SOX5: variants seen among roughly 807,000 people sequenced by gnomAD.
The protein encoded by SOX5 is SRY-box transcription factor 5.
In SOX5, 9 loss-of-function variants were observed where a neutral mutation model predicts 92.0. The ratio of observed to expected loss-of-function variants is 0.10; its 90% confidence interval spans 0.06 to 0.17. The LOEUF (loss-of-function observed/expected upper bound fraction) is 0.17, where lower values mean the gene tolerates loss of function less well. SOX5 is among the 10% of genes least tolerant of loss of function. The pLI, the probability that SOX5 is intolerant of heterozygous loss-of-function variation, is 1.00. For synonymous variants in SOX5, 344 were observed against 336.3 expected (o/e 1.02, Z -0.25); for missense variants, 642 against 944.5 (o/e 0.68, Z 4.20).
chr12:23,537,593 C>G (rs926643275), intron 13 of SOX5, among the ~76,000 whole-genome samples: 2 of 152,192 alleles, frequency 1.3e-5, no homozygotes, highest in African/African-American at 4.8e-5. Context: ...ATACAGTCTG[C>G]TTTAGTAATA....
At chr12:23,578,117 C>CAAAAAAAAAAAAAAAAAAAAAGA (rs1949476740) in intron 9 of SOX5, among the ~76,000 whole-genome samples, 1 of 34,884 alleles carries the variant, frequency 2.9e-5, no homozygotes, top group Non-Finnish European at 4.9e-5. Flanking sequence ...GAGACTGTGT[C>CAAAAAAAAAAAAAAAAAAAAAGA]AAAAAAAAAA....
chr12:23,808,382 T>G (rs745548433), intron 3 of SOX5, among the ~76,000 whole-genome samples: 1 of 152,154 alleles, frequency 6.6e-6, no homozygotes, highest in African/African-American at 2.4e-5. Context: ...TAAGCTGATG[T>G]TTATAGAAAC....
intron 4 of SOX5, among the ~76,000 whole-genome samples, chr12:24,124,728 T>C (rs550757025): frequency 4.6e-5 from 7 of 152,296 alleles, no homozygotes; most frequent in South Asian, 4.1e-4. Context: ...AATGGACTAA[T>C]TGGAATAAAA....
intron 4 of SOX5, among the ~76,000 whole-genome samples, chr12:24,124,412 A>G (rs940133254): frequency 6.6e-6 from 1 of 152,186 alleles, no homozygotes; most frequent in African/African-American, 2.4e-5. Context: ...AGTTCACACA[A>G]GAGGGTGAAA....
chr12:24,095,888 G>C (rs2137875604), intron 4 of SOX5, among the ~76,000 whole-genome samples: 1 of 152,236 alleles, frequency 6.6e-6, no homozygotes, highest in South Asian at 2.1e-4. Flanking sequence ...ATGATTGTAA[G>C]TTTCCTGAGG....
chr12:24,341,207 T>C (rs1453316148), intron 2 of SOX5, among the ~76,000 whole-genome samples: 1 of 152,224 alleles, frequency 6.6e-6, no homozygotes, highest in Non-Finnish European at 1.5e-5. Flanking sequence ...CCAGGCATGG[T>C]GGCTTATACC....
intron 1 of SOX5, among the ~76,000 whole-genome samples, 170 bp from the exon 2 acceptor site, chr12:23,896,194 C>G (rs754660349): frequency 3.2e-4 from 49 of 152,294 alleles, no homozygotes; most frequent in Non-Finnish European, 5.4e-4. Flanking sequence ...AATGGCCAAG[C>G]AGGTAGCAAC....
At chr12:24,390,218 G>A (rs1018572281) in intron 1 of SOX5, among the ~76,000 whole-genome samples, 8 of 151,980 alleles carry the variant, frequency 5.3e-5, no homozygotes, top group Non-Finnish European at 8.8e-5. Flanking sequence ...TTTTACACAC[G>A]TAACATTATG....
intron 4 of SOX5, among the ~76,000 whole-genome samples, chr12:23,979,898 T>C (rs1483085901): frequency 5.7e-5 from 8 of 139,492 alleles, no homozygotes; most frequent in African/African-American, 1.6e-4. Context: ...GCTGGCTGGC[T>C]GGCTGGCTGG....
At chr12:24,207,165 G>A (rs534660357) in intron 4 of SOX5, among the ~76,000 whole-genome samples, 25 of 152,292 alleles carry the variant, frequency 1.6e-4, no homozygotes, top group East Asian at 1.5e-3. Context: ...TACTGTAAGC[G>A]TCTAAATGAA....
At chr12:24,474,119 C>T (rs1382177627) in intron 1 of SOX5, among the ~76,000 whole-genome samples, 3 of 152,104 alleles carry the variant, frequency 2.0e-5, no homozygotes, top group Non-Finnish European at 4.4e-5. Flanking sequence ...ACCTGGAAGG[C>T]ATCAACTAGA....
intron 13 of SOX5, among the ~76,000 whole-genome samples, chr12:23,537,591 T>C (rs1410937688): frequency 1.3e-5 from 2 of 152,236 alleles, no homozygotes; most frequent in African/African-American, 4.8e-5. Context: ...TGATACAGTC[T>C]GCTTTAGTAA....
chr12:24,173,963 G>A (rs1290927614), intron 4 of SOX5, among the ~76,000 whole-genome samples: 1 of 151,970 alleles, frequency 6.6e-6, no homozygotes, highest in East Asian at 1.9e-4. Flanking sequence ...CTTGGGCAGT[G>A]TGACCCAGAA....
At chr12:24,218,403 G>A (rs1395009021) in intron 3 of SOX5, among the ~76,000 whole-genome samples, 2 of 152,124 alleles carry the variant, frequency 1.3e-5, no homozygotes, top group Admixed American at 1.3e-4. Context: ...ATAATTCTAA[G>A]TATAAGAAAT....
chr12:24,140,491 T>G (rs1950491551), intron 4 of SOX5, among the ~76,000 whole-genome samples: 1 of 152,214 alleles, frequency 6.6e-6, no homozygotes, highest in South Asian at 2.1e-4. Flanking sequence ...GTATTGCTTA[T>G]TTCTCTGATC....
intron 3 of SOX5, among the ~76,000 whole-genome samples, chr12:24,229,559 C>T (rs1962916044): frequency 6.6e-6 from 1 of 152,172 alleles, no homozygotes; most frequent in African/African-American, 2.4e-5. Context: ...TTGCAATGTT[C>T]ATCTGGAAAG....
chr12:24,139,619 G>C (rs576411289), intron 4 of SOX5, among the ~76,000 whole-genome samples: 2 of 152,298 alleles, frequency 1.3e-5, no homozygotes, highest in African/African-American at 4.8e-5. Flanking sequence ...AGAACGGACC[G>C]CTTCAATCTT....
At chr12:23,595,340 G>C (rs569436143) in intron 9 of SOX5, among the ~76,000 whole-genome samples, 1 of 151,822 alleles carries the variant, frequency 6.6e-6, no homozygotes, top group East Asian at 1.9e-4. Context: ...AAAAAATTGT[G>C]GGCCGGACAC....
At chr12:24,282,967 T>C (rs1482579309) in intron 2 of SOX5, among the ~76,000 whole-genome samples, 1 of 152,240 alleles carries the variant, frequency 6.6e-6, no homozygotes, top group African/African-American at 2.4e-5. Context: ...TCAGGCCTTA[T>C]GTGAGTTTCT....
Sources: allele counts gnomAD v4.1 joint callset (sites outside exome capture counted in the v4.1 genomes callset), GRCh38; gene constraint gnomAD v4.1.1; transcripts MANE v1.5; gene names NCBI Gene and HGNC (gene_info 2026-07-23, HGNC 2026-07-21).